The following CFAP47 variants were observed in gnomAD, a reference collection of about 807,000 sequenced individuals.
CFAP47 encodes the protein cilia- and flagella-associated protein 47.
Under a neutral mutation model 148.1 loss-of-function variants are expected in CFAP47, and 29 were observed. The observed-to-expected ratio is 0.20, with a 90% CI of 0.15 to 0.27. The LOEUF is 0.27. CFAP47 is among the 10% of genes least tolerant of loss of function. The probability of loss-of-function intolerance (pLI) is 1.00; values close to 1 mark genes in which losing one functional copy is unlikely to be tolerated. For missense variants in CFAP47, 1,872 were observed against 1,697.5 expected (o/e 1.10, Z -1.81); for synonymous variants, 664 against 577.3 (o/e 1.15, Z -2.15).
At chrX:36,069,182 C>T (rs1987306471) in intron 27 of CFAP47, among the ~76,000 whole-genome samples, 1 of 110,186 alleles carries the variant, frequency 9.1e-6, no homozygotes, top group African/African-American at 3.3e-5. Context: ...TTTTATTAAG[C>T]AAAATGTACA....
At position 36,160,662 on chromosome X, in the gene CFAP47, C is replaced by A; in HGVS notation, c.5938-19C>A. On this transcript the variant is annotated intron_variant, in intron 38 of 63. Coordinates refer to ENST00000378653, the MANE Select transcript of CFAP47 (RefSeq NM_001304548.2). ...TTTTTGTTATTATCATGTGGTAAGA[C>A]TTTATTTTTTTACTTTAGGACATTA... 3.4e-6 allele frequency: 1 copy of A among 291,413 alleles called. No individual in the cohort carries two copies. The highest frequency in any genetic ancestry group is 6.2e-5 in the Admixed American group (1 of 16,092). 24.0% of individuals were successfully genotyped at this position (291,413 alleles called of 1,213,427 possible). A position where few individuals can be genotyped will look rare whatever the true frequency, so the allele number is the denominator to read the frequency against.
chrX:36,350,986 G>A (rs1379922628), intron 59 of CFAP47, among the ~76,000 whole-genome samples: 1 of 111,465 alleles, frequency 9.0e-6, no homozygotes, highest in Non-Finnish European at 1.9e-5. Context: ...AATAAGTCTT[G>A]AAATTTTGCT....
chrX:36,283,803 A>T (rs1270090089), intron 50 of CFAP47, among the ~76,000 whole-genome samples: 1 of 111,715 alleles, frequency 9.0e-6, no homozygotes, highest in East Asian at 2.8e-4. Context: ...CTGTTCCACA[A>T]ATGGGCAGAC....
At chrX:36,040,408 C>A (rs1002394039) in intron 25 of CFAP47, among the ~76,000 whole-genome samples, 1 of 111,241 alleles carries the variant, frequency 9.0e-6, no homozygotes, top group Non-Finnish European at 1.9e-5. Context: ...GTTGATGAGT[C>A]CAGAGACAAG....
At chrX:36,296,018 C>T (rs1941238890) in intron 51 of CFAP47, among the ~76,000 whole-genome samples, 2 of 111,779 alleles carry the variant, frequency 1.8e-5, no homozygotes, top group Admixed American at 1.9e-4. Context: ...GATTGCAGTA[C>T]TGGTAGCGCT....
Position 35,981,457 on chromosome X carries a change from T to C in CFAP47, c.2713+5544T>C, listed in dbSNP as rs147495959. On this transcript the variant is annotated intron_variant, in intron 15 of 63. Transcript: ENST00000378653. ...GAGAAACAGGATAAAAGTAAGAGGA[T>C]AAAAAACTTGCAAACAGGAAACATA... 6.0e-3 allele frequency among the ~76,000 whole-genome samples: 655 copies of C among 108,439 alleles called. 7 individuals are homozygous for C. Among genetic ancestry groups the C allele is most frequent in the African/African-American group, 0.021 (628 of 30,166 alleles). 94.2% of individuals were successfully genotyped at this position (108,439 alleles called of 115,157 possible).
At chrX:35,985,851 C>T (rs200954580) in intron 15 of CFAP47, 12 of 250,786 alleles carry the variant, frequency 4.8e-5, no homozygotes, top group South Asian at 2.3e-4. Context: ...GCCAAACCCT[C>T]GGGGCTCTAC....
At chrX:36,363,865 A>C (rs1941848623) in intron 61 of CFAP47, among the ~76,000 whole-genome samples, 1 of 111,738 alleles carries the variant, frequency 8.9e-6, no homozygotes, top group Non-Finnish European at 1.9e-5. Flanking sequence ...TTTTCCAATA[A>C]AAATCAAGGG....
intron 48 of CFAP47, among the ~76,000 whole-genome samples, chrX:36,249,635 T>C (rs1003989567): frequency 9.0e-6 from 1 of 111,021 alleles, no homozygotes; most frequent in Non-Finnish European, 1.9e-5. Flanking sequence ...AAAAGATAAG[T>C]AAACATATTC....
intron 60 of CFAP47, among the ~76,000 whole-genome samples, chrX:36,360,061 G>T (rs1309786432): frequency 3.6e-5 from 4 of 111,466 alleles, no homozygotes; most frequent in African/African-American, 1.3e-4. Context: ...AGTATTCTTG[G>T]TTGGCCTTTT....
At position 36,092,623 on chromosome X, in the gene CFAP47, T is replaced by A. The variant is rs1010307566; in HGVS notation, c.4917-6170T>A. Among the ~76,000 whole-genome samples, 17 of 110,073 alleles carry A rather than the reference T, an allele frequency of 1.5e-4. No individual in the cohort carries two copies. In the South Asian group the frequency reaches 1.9e-3, roughly 12 times the overall value. ...AAGTTAACTATATAACTTTTATTTT[T>A]TTTTTTTACTTTTTATTTTAAATTT... On this transcript the variant is annotated intron_variant, in intron 30 of 63. Coordinates refer to ENST00000378653, the MANE Select transcript of CFAP47 (RefSeq NM_001304548.2).
At chrX:36,328,165 T>C (rs1340754681) in intron 57 of CFAP47, among the ~76,000 whole-genome samples, 1 of 112,043 alleles carries the variant, frequency 8.9e-6, no homozygotes, top group Non-Finnish European at 1.9e-5. Flanking sequence ...AATTTGAATA[T>C]AGTAGTAATA....
intron 32 of CFAP47, 109 bp from the exon 33 acceptor site, chrX:36,104,390 A>G (rs1254926215): frequency 5.7e-6 from 2 of 352,471 alleles, no homozygotes; most frequent in Non-Finnish European, 1.0e-5. Context: ...ACCAGAAAAT[A>G]CTAGTGCCCT....
intron 57 of CFAP47, among the ~76,000 whole-genome samples, chrX:36,322,711 AT>A (rs1321945504): frequency 9.0e-6 from 1 of 110,693 alleles, no homozygotes; most frequent in Non-Finnish European, 1.9e-5. Context: ...TTCTTGGTGA[AT>A]TTCTTATTGT....
chrX:36,055,487 C>A (rs1937547981), intron 26 of CFAP47, among the ~76,000 whole-genome samples: 1 of 111,760 alleles, frequency 8.9e-6, no homozygotes, highest in African/African-American at 3.3e-5. Flanking sequence ...CATGTCCCTG[C>A]AAAGGACATG....
rs782183756 is a variant in CFAP47, at chrX:36,299,769, G to A, written c.7862+617G>A. Among the ~76,000 whole-genome samples the A allele has an allele frequency of 1.9e-4, 21 of 111,214 alleles. No homozygotes were observed. The South Asian group carries it at 7.9e-3, about 42-fold the overall frequency. On this transcript the variant is annotated intron_variant, in intron 52 of 63. Coordinates refer to ENST00000378653, the MANE Select transcript of CFAP47 (RefSeq NM_001304548.2). ...AGTGAAATTTGTCTTTCTGTGCCTG[G>A]CATATTTTATTTAATGTAACATCCT...
At chrX:36,007,909 G>A (rs751762393) in intron 21 of CFAP47, among the ~76,000 whole-genome samples, 1 of 111,227 alleles carries the variant, frequency 9.0e-6, no homozygotes, top group South Asian at 3.8e-4. Flanking sequence ...GCTGAGATGA[G>A]TACATTGAAT....
At chrX:36,161,450 A>G (rs1939429138) in intron 39 of CFAP47, among the ~76,000 whole-genome samples, 1 of 112,018 alleles carries the variant, frequency 8.9e-6, no homozygotes, top group African/African-American at 3.2e-5. Context: ...TTAGAGCATC[A>G]TAACTAATTT....
At chrX:36,303,676 T>C (rs1426211541) in intron 53 of CFAP47, among the ~76,000 whole-genome samples, 173 bp from the exon 54 acceptor site, 2 of 111,225 alleles carry the variant, frequency 1.8e-5, no homozygotes, top group Non-Finnish European at 3.8e-5. Context: ...ACTAGTTACA[T>C]ATGCAGTGAC....
Sources: gnomAD v4.1 joint callset for allele counts (sites outside exome capture counted in the v4.1 genomes callset) on GRCh38, gnomAD v4.1.1 for gene constraint, MANE v1.5 for transcripts, NCBI Gene and HGNC (gene_info 2026-07-23, HGNC 2026-07-21) for gene names.